The following WDR25 variants were observed in gnomAD, a reference collection of about 807,000 sequenced individuals.
WDR25 encodes WD repeat domain 25.
A neutral mutation model predicts 47.7 loss-of-function variants in WDR25; 35 were observed. The observed-to-expected ratio is 0.73, with a 90% CI of 0.56 to 0.97. The LOEUF (loss-of-function observed/expected upper bound fraction) is 0.97, where lower values mean the gene tolerates loss of function less well. Ranked by LOEUF, WDR25 falls within the 50% of genes least tolerant of loss-of-function variation. WDR25 has a pLI of 0.00. For synonymous variants in WDR25, 248 were observed against 278.9 expected (o/e 0.89, Z 1.10); for missense variants, 634 against 704.7 (o/e 0.90, Z 1.14).
intron 2 of WDR25, among the ~76,000 whole-genome samples, chr14:100,388,779 TTAA>T (rs1897074621): frequency 3.3e-5 from 5 of 152,238 alleles, no homozygotes; most frequent in Admixed American, 2.0e-4. Context: ...TTTCTGCTTT[TTAA>T]TAACTTCATT....
At chr14:100,376,581 C>G (rs533439683) in intron 1 of WDR25, 86 bp downstream of exon 1, 1 of 1,231,986 alleles carries the variant, frequency 8.1e-7, no homozygotes, top group East Asian at 3.2e-5. Flanking sequence ...AACGCGGTCT[C>G]TCATAGCCGC....
Position 100,530,199 on chromosome 14 carries a change from T to G in WDR25, c.*158T>G. The G allele has an allele frequency of 2.6e-6, 2 of 776,282 alleles. No homozygotes were observed. The highest frequency in any genetic ancestry group is 3.7e-5 in the South Asian group (2 of 53,970). The allele number at this position is 776,282 out of a possible 1,614,324, so 48.1% of individuals were successfully genotyped here. On this transcript the variant is annotated 3_prime_UTR_variant, in exon 7 of 7. Coordinates refer to ENST00000402312, the MANE Select transcript of WDR25 (RefSeq NM_001161476.3). ...CATCTGTAAAGTGGGGAGAAAAGTC[T>G]GTTTGCCTCAGGAGTGTGAGGACTA...
chr14:100,513,255 G>A (rs1385252513), intron 4 of WDR25, among the ~76,000 whole-genome samples: 1 of 152,132 alleles, frequency 6.6e-6, no homozygotes, highest in Admixed American at 6.5e-5. Flanking sequence ...GGCACATAAG[G>A]GGTAGATTAC....
At chr14:100,401,894 G>A (rs1415268481) in intron 2 of WDR25, among the ~76,000 whole-genome samples, 1 of 152,204 alleles carries the variant, frequency 6.6e-6, no homozygotes, top group Non-Finnish European at 1.5e-5. Context: ...TTTTTAGCAT[G>A]GACACTTTGG....
chr14:100,527,551 T>C (rs1476130417), intron 5 of WDR25, among the ~76,000 whole-genome samples: 1 of 152,268 alleles, frequency 6.6e-6, no homozygotes, highest in Admixed American at 6.5e-5. Flanking sequence ...AACCCACTTC[T>C]AGACCTCCAC....
chr14:100,411,160 G>A (rs1299908136), intron 2 of WDR25, among the ~76,000 whole-genome samples: 2 of 152,108 alleles, frequency 1.3e-5, no homozygotes, highest in Non-Finnish European at 2.9e-5. Context: ...ATAGTCTCTG[G>A]TAAGCCATTT....
chr14:100,413,119 C>T (rs1455984055), intron 2 of WDR25, among the ~76,000 whole-genome samples: 3 of 152,192 alleles, frequency 2.0e-5, no homozygotes. Context: ...CATGAGTCAC[C>T]ACAACTGGCC....
At chr14:100,467,939 T>G in intron 2 of WDR25, 82 bp from the exon 3 acceptor site, 1 of 1,555,046 alleles carries the variant, frequency 6.4e-7, no homozygotes, top group Non-Finnish European at 8.7e-7. Context: ...CGAGACCTTT[T>G]TCTTTCTACA....
intron 2 of WDR25, among the ~76,000 whole-genome samples, chr14:100,445,049 C>T (rs1167774538): frequency 6.6e-6 from 1 of 152,130 alleles, no homozygotes; most frequent in African/African-American, 2.4e-5. Flanking sequence ...ACCCTGAAGT[C>T]CCCCATGGAA....
chr14:100,497,856 C>T (rs1290242200), intron 4 of WDR25, among the ~76,000 whole-genome samples: 1 of 152,198 alleles, frequency 6.6e-6, no homozygotes, highest in Admixed American at 6.5e-5. Context: ...TTCCACAGCT[C>T]GATAGCCTGG....
At chr14:100,503,071 G>A (rs1040187518) in intron 4 of WDR25, among the ~76,000 whole-genome samples, 1 of 151,910 alleles carries the variant, frequency 6.6e-6, no homozygotes. Context: ...GTGTGTGTGT[G>A]TGTGTGCATG....
chr14:100,529,345 C>A lies in WDR25; in HGVS notation c.1413+137C>A. 1 of 1,311,994 alleles carries A rather than the reference C, an allele frequency of 7.6e-7. No individual in the cohort carries two copies. 81.3% of individuals were successfully genotyped at this position (1,311,994 alleles called of 1,614,324 possible). The stretch of plus-strand genomic sequence containing the variant: ...TTTCTGTTTCCTGGGTGAGCGCATG[C>A]CATGTGGCTCACTGTCTCTTCAAGT... On this transcript the variant is annotated intron_variant, in intron 6 of 6. Transcript: ENST00000402312. The surrounding 1 kb of genome is among the most constrained non-coding windows in gnomAD (Gnocchi z 5.1).
chr14:100,524,298 C>T (rs1321431561), intron 4 of WDR25, among the ~76,000 whole-genome samples: 3 of 151,812 alleles, frequency 2.0e-5, no homozygotes, highest in African/African-American at 4.8e-5. Context: ...CTTATGTGAA[C>T]CCCCCAGCCA....
At chr14:100,399,963 C>T (rs1897339375) in intron 2 of WDR25, among the ~76,000 whole-genome samples, 1 of 152,164 alleles carries the variant, frequency 6.6e-6, no homozygotes. Context: ...ACTTAAGTTA[C>T]ACATGGGAGA....
At chr14:100,433,671 C>T (rs949783627) in intron 2 of WDR25, among the ~76,000 whole-genome samples, 2 of 152,154 alleles carry the variant, frequency 1.3e-5, no homozygotes, top group African/African-American at 2.4e-5. Flanking sequence ...ATTCCCCCCC[C>T]ATTAGTCTGT....
intron 2 of WDR25, among the ~76,000 whole-genome samples, chr14:100,399,214 G>T (rs1202126217): frequency 6.6e-6 from 1 of 151,998 alleles, no homozygotes; most frequent in Non-Finnish European, 1.5e-5. Context: ...CCTTCCTGTG[G>T]TTTATCGGAT....
In WDR25 at chr14:100,499,194, T is replaced by C. The variant is rs1277377882; in HGVS notation, c.1101+15070T>C. ...ACCACTGACAGTTGGTATCCTTCAT[T>C]CAATTGTTTTATGCATATGTATTTA... On this transcript the variant is annotated intron_variant, in intron 4 of 6. Transcript: ENST00000402312. This position sits in a 1 kb window ranked among gnomAD's most constrained non-coding sequence, Gnocchi z 4.4. 7.9e-5 allele frequency among the ~76,000 whole-genome samples: 12 copies of C among 152,248 alleles called. No individual in the cohort carries two copies. The highest frequency in any genetic ancestry group is 7.8e-4 in the Admixed American group (12 of 15,292).
intron 2 of WDR25, among the ~76,000 whole-genome samples, chr14:100,418,530 G>C (rs1897935064): frequency 6.6e-6 from 1 of 151,740 alleles, no homozygotes; most frequent in Admixed American, 6.6e-5. Flanking sequence ...AGCTACTTTT[G>C]GGAGGCTGAG....
In WDR25 at chr14:100,424,528, C is replaced by T. The variant is rs1053419328; in HGVS notation, c.822+42782C>T. Among the ~76,000 whole-genome samples, 1 of 152,218 alleles carries T rather than the reference C, an allele frequency of 6.6e-6. No individual in the cohort carries two copies. The highest frequency in any genetic ancestry group is 1.5e-5 in the Non-Finnish European group (1 of 68,042). ...GATTGGGACCTGGGAGCAGGCCCCA[C>T]ACCAGGTGTGACATGCCTGTGCTCA... is the stretch of plus-strand genomic sequence containing the variant. On this transcript the variant is annotated intron_variant, in intron 2 of 6. Coordinates refer to ENST00000402312, the MANE Select transcript of WDR25 (RefSeq NM_001161476.3). The surrounding 1 kb of genome is among the most constrained non-coding windows in gnomAD (Gnocchi z 4.2).
Sources: gnomAD v4.1 joint callset for allele counts (sites outside exome capture counted in the v4.1 genomes callset) on GRCh38, gnomAD v4.1.1 for gene constraint, Gnocchi (gnomAD v3.1) non-coding constraint, MANE v1.5 for transcripts, NCBI Gene and HGNC (gene_info 2026-07-23, HGNC 2026-07-21) for gene names.